The following ANKRD6 variants were observed in gnomAD, a reference collection of about 807,000 sequenced individuals.
ANKRD6 encodes ankyrin repeat domain 6.
A neutral mutation model predicts 82.3 loss-of-function variants in ANKRD6; 56 were observed. The ratio of observed to expected loss-of-function variants is 0.68; its 90% confidence interval spans 0.55 to 0.85. The LOEUF is 0.85. Ranked by LOEUF, ANKRD6 falls within the 40% of genes least tolerant of loss-of-function variation. The probability of loss-of-function intolerance (pLI) is 0.00; values close to 1 mark genes in which losing one functional copy is unlikely to be tolerated. For synonymous variants in ANKRD6, 347 were observed against 352.1 expected, an observed-to-expected ratio of 0.99 and a Z score of 0.16; for missense variants, 852 against 907.6, an observed-to-expected ratio of 0.94 and a Z score of 0.79.
chr6:89,611,235 G>A (rs892982574), intron 5 of ANKRD6, among the ~76,000 whole-genome samples: 2 of 151,176 alleles, frequency 1.3e-5, no homozygotes, highest in African/African-American at 2.4e-5. Flanking sequence ...CTGGAGTATC[G>A]GCAGCCAGGA....
intron 1 of ANKRD6, among the ~76,000 whole-genome samples, chr6:89,541,665 A>G (rs1338852232): frequency 6.6e-6 from 1 of 151,896 alleles, no homozygotes; most frequent in Non-Finnish European, 1.5e-5. Context: ...ATGTGTGGCT[A>G]TTATAAATAG....
chr6:89,562,784 G>C (rs1011590717), intron 1 of ANKRD6: 1 of 152,236 alleles, frequency 6.6e-6, no homozygotes, highest in African/African-American at 2.4e-5. Context: ...GTAAATCACT[G>C]CAGATTTGCT....
At chr6:89,494,388 G>T (rs1778364758) in intron 1 of ANKRD6, among the ~76,000 whole-genome samples, 1 of 152,180 alleles carries the variant, frequency 6.6e-6, no homozygotes, top group South Asian at 2.1e-4. Context: ...TGACTTAGCA[G>T]GATTCTTGCT....
chr6:89,508,691 C>T (rs1562673737), intron 1 of ANKRD6, among the ~76,000 whole-genome samples: 1 of 152,114 alleles, frequency 6.6e-6, no homozygotes, highest in African/African-American at 2.4e-5. Context: ...TCCTGGTTAC[C>T]TATATTTTAT....
At chr6:89,509,594 C>CATTAT (rs1220941400) in intron 1 of ANKRD6, among the ~76,000 whole-genome samples, 5 of 152,140 alleles carry the variant, frequency 3.3e-5, no homozygotes, top group Admixed American at 3.3e-4. Context: ...AGTGCCAATT[C>CATTAT]ATTATATTAC....
intron 1 of ANKRD6, among the ~76,000 whole-genome samples, chr6:89,479,557 A>G (rs180932853): frequency 6.6e-6 from 1 of 151,330 alleles, no homozygotes; most frequent in Non-Finnish European, 1.5e-5. Context: ...TTTTGCATAA[A>G]GCCTTTTTCC....
chr6:89,583,601 G>A (rs957632956), intron 2 of ANKRD6, among the ~76,000 whole-genome samples: 1 of 152,166 alleles, frequency 6.6e-6, no homozygotes, highest in Admixed American at 6.5e-5. Flanking sequence ...GGTCAGACAC[G>A]CTGTAATTGA....
intron 1 of ANKRD6, among the ~76,000 whole-genome samples, chr6:89,451,029 C>T (rs187594494): frequency 2.7e-4 from 41 of 152,216 alleles, no homozygotes; most frequent in African/African-American, 8.2e-4. Flanking sequence ...AAAATTCAGC[C>T]GGGTGCCATG....
At chr6:89,628,257 GGCT>G (rs886987232) in intron 14 of ANKRD6, 1 of 157,922 alleles carries the variant, frequency 6.3e-6, no homozygotes, top group Non-Finnish European at 1.4e-5. Context: ...GAATACCTGA[GGCT>G]GGGTAATTTG....
At chr6:89,522,619 T>C (rs1251874874) in intron 1 of ANKRD6, among the ~76,000 whole-genome samples, 1 of 152,206 alleles carries the variant, frequency 6.6e-6, no homozygotes, top group Non-Finnish European at 1.5e-5. Context: ...GTGATTTAGT[T>C]AAGCTTTGCT....
chr6:89,509,504 T>A (rs1355688458), intron 1 of ANKRD6, among the ~76,000 whole-genome samples: 1 of 152,232 alleles, frequency 6.6e-6, no homozygotes, highest in East Asian at 1.9e-4. Context: ...GTGGAAGTCC[T>A]GGTTTTCTGT....
At chr6:89,464,861 G>A (rs1342653376) in intron 1 of ANKRD6, among the ~76,000 whole-genome samples, 2 of 152,140 alleles carry the variant, frequency 1.3e-5, no homozygotes, top group African/African-American at 2.4e-5. Flanking sequence ...TGCCACATGC[G>A]GCATAAGATT....
chr6:89,626,137 G>A (rs1180930282), intron 13 of ANKRD6, among the ~76,000 whole-genome samples: 1 of 152,000 alleles, frequency 6.6e-6, no homozygotes, highest in African/African-American at 2.4e-5. Flanking sequence ...AGGCTTATTT[G>A]CTATCTGTAT....
Position 89,527,667 on chromosome 6 carries a change from T to C in ANKRD6, c.-143-39167T>C, listed in dbSNP as rs60567459. On this transcript the variant is annotated intron_variant, in intron 1 of 15. Coordinates refer to ENST00000339746, the MANE Select transcript of ANKRD6 (RefSeq NM_001242809.2). Reference sequence around the variant, plus strand: ...AACAAACTTTTGCTAAAAATTCTAATGATCATTTAAGCCTTCAGTGAATTG... The same window carrying C: ...AACAAACTTTTGCTAAAAATTCTAACGATCATTTAAGCCTTCAGTGAATTG... 9.4e-3 allele frequency among the ~76,000 whole-genome samples: 1,381 copies of C among 146,290 alleles called. 18 individuals carry two copies. The highest frequency in any genetic ancestry group is 0.033 in the African/African-American group (1,318 of 39,414).
chr6:89,585,060 A>G (rs1184638306), intron 2 of ANKRD6, among the ~76,000 whole-genome samples: 1 of 152,176 alleles, frequency 6.6e-6, no homozygotes, highest in African/African-American at 2.4e-5. Flanking sequence ...CAACATATCA[A>G]TTTCAGGGAG....
At chr6:89,543,214 T>C (rs1784641490) in intron 1 of ANKRD6, among the ~76,000 whole-genome samples, 1 of 152,226 alleles carries the variant, frequency 6.6e-6, no homozygotes, top group African/African-American at 2.4e-5. Context: ...CTGCCAGCTA[T>C]TATTCCAGGG....
rs917143070 is a variant in ANKRD6, at chr6:89,433,422, G to C, written c.-144+47G>C. ...TCCCTGGGACCCCCGCTTACACCGGGGTGGGCGCCTCAGGTCGGGGAGGAC... is the reference window on the plus strand; with the variant it reads ...TCCCTGGGACCCCCGCTTACACCGGCGTGGGCGCCTCAGGTCGGGGAGGAC... On this transcript the variant is annotated intron_variant, in intron 1 of 15. Coordinates refer to ENST00000339746, the MANE Select transcript of ANKRD6 (RefSeq NM_001242809.2). This position sits in a 1 kb window ranked among gnomAD's most constrained non-coding sequence, Gnocchi z 4.3. The C allele has an allele frequency of 6.6e-6, 1 of 152,270 alleles. No homozygotes were observed. Among genetic ancestry groups the C allele is most frequent in the African/African-American group, 2.4e-5 (1 of 41,460 alleles). The allele number at this position is 152,270 out of a possible 1,614,324, so 9.4% of individuals were successfully genotyped here. A position where few individuals can be genotyped will look rare whatever the true frequency, so the allele number is the denominator to read the frequency against.
chr6:89,474,133 A>AAACAC (rs1775786231), intron 1 of ANKRD6, among the ~76,000 whole-genome samples: 1 of 149,874 alleles, frequency 6.7e-6, no homozygotes. Flanking sequence ...AAACAAAACA[A>AAACAC]AACACCTGAA....
At chr6:89,460,222 G>T (rs1683334831) in intron 1 of ANKRD6, among the ~76,000 whole-genome samples, 1 of 150,976 alleles carries the variant, frequency 6.6e-6, no homozygotes, top group African/African-American at 2.4e-5. Context: ...GGATAATAAT[G>T]TAGTTATTAT....
Sources: gnomAD v4.1 joint callset for allele counts (sites outside exome capture counted in the v4.1 genomes callset) on GRCh38, gnomAD v4.1.1 for gene constraint, Gnocchi (gnomAD v3.1) non-coding constraint, MANE v1.5 for transcripts, NCBI Gene and HGNC (gene_info 2026-07-23, HGNC 2026-07-21) for gene names.